Variants in SLC9A9 observed in about 807,000 individuals in gnomAD.
The protein encoded by SLC9A9 is sodium/hydrogen exchanger 9.
Under a neutral mutation model 77.8 loss-of-function variants are expected in SLC9A9, and 62 were observed. The observed-to-expected ratio is 0.80, with a 90% CI of 0.65 to 0.98. SLC9A9 has a LOEUF of 0.98. Ranked by LOEUF, SLC9A9 falls within the 50% of genes least tolerant of loss-of-function variation. The probability of loss-of-function intolerance (pLI) is 0.00; values close to 1 mark genes in which losing one functional copy is unlikely to be tolerated. For missense variants in SLC9A9, 775 were observed against 774.9 expected (o/e 1.00, Z 0.00); for synonymous variants, 320 against 283.5 (o/e 1.13, Z -1.29).
rs556875174 is a variant in SLC9A9, at chr3:143,444,157, G to A, written c.1469+22880C>T. ...ACTTCCTAAAAATGCTTTGGAATCA[G>A]CTTCAACTGCATTTATAAATGAAGA... On this transcript the variant is annotated intron_variant, in intron 12 of 15. Coordinates refer to ENST00000316549, the MANE Select transcript of SLC9A9 (RefSeq NM_173653.4). Among the ~76,000 whole-genome samples the A allele has an allele frequency of 6.6e-5, 10 of 152,296 alleles. No individual in the cohort carries two copies. In the South Asian group the frequency reaches 2.1e-3, roughly 32 times the overall value.
intron 4 of SLC9A9, among the ~76,000 whole-genome samples, chr3:143,713,251 A>G (rs1207493158): frequency 1.3e-5 from 2 of 152,214 alleles, no homozygotes; most frequent in Non-Finnish European, 2.9e-5. Context: ...GGGACATACT[A>G]AATTCAGTGT....
At chr3:143,435,083 C>T (rs886294241) in intron 12 of SLC9A9, among the ~76,000 whole-genome samples, 2 of 152,160 alleles carry the variant, frequency 1.3e-5, no homozygotes, top group African/African-American at 4.8e-5. Context: ...GCTGGCATCC[C>T]TTGACCTTAT....
intron 9 of SLC9A9, among the ~76,000 whole-genome samples, chr3:143,534,771 T>C (rs1490592423): frequency 6.6e-6 from 1 of 152,208 alleles, no homozygotes; most frequent in African/African-American, 2.4e-5. Context: ...GGATGCTGAA[T>C]AGCGGGATCA....
At chr3:143,461,211 T>C (rs1028937771) in intron 12 of SLC9A9, among the ~76,000 whole-genome samples, 17 of 152,202 alleles carry the variant, frequency 1.1e-4, no homozygotes, top group Non-Finnish European at 2.9e-5. Flanking sequence ...TTTTGAGCTA[T>C]TGGATAATAT....
intron 11 of SLC9A9, among the ~76,000 whole-genome samples, chr3:143,470,655 T>C (rs1321212682): frequency 5.3e-5 from 8 of 152,142 alleles, no homozygotes; most frequent in Non-Finnish European, 8.8e-5. Context: ...ATATTTGTAG[T>C]TTTTTAACTT....
intron 4 of SLC9A9, among the ~76,000 whole-genome samples, chr3:143,702,187 G>A (rs1933822785): frequency 6.6e-6 from 1 of 152,054 alleles, no homozygotes; most frequent in Non-Finnish European, 1.5e-5. Flanking sequence ...TAACCTTAGA[G>A]AAAAAGATGT....
chr3:143,524,938 A>G (rs1348864593), intron 9 of SLC9A9, among the ~76,000 whole-genome samples: 1 of 152,204 alleles, frequency 6.6e-6, no homozygotes, highest in Non-Finnish European at 1.5e-5. Context: ...CCCACATCAG[A>G]AGCTAGCCAA....
At chr3:143,658,834 G>A (rs2108754302) in intron 5 of SLC9A9, among the ~76,000 whole-genome samples, 1 of 152,316 alleles carries the variant, frequency 6.6e-6, no homozygotes, top group East Asian at 1.9e-4. Context: ...TGGAAAGGGA[G>A]AAACTGGAAA....
At chr3:143,527,766 C>T (rs2036429567) in intron 9 of SLC9A9, among the ~76,000 whole-genome samples, 1 of 152,158 alleles carries the variant, frequency 6.6e-6, no homozygotes, top group African/African-American at 2.4e-5. Flanking sequence ...TCCCTCAGTG[C>T]CTCAGCAGTG....
intron 5 of SLC9A9, among the ~76,000 whole-genome samples, chr3:143,674,240 A>G (rs1246614968): frequency 6.6e-6 from 1 of 152,180 alleles, no homozygotes; most frequent in Non-Finnish European, 1.5e-5. Context: ...AAAGCATTAA[A>G]CTGTGATGCT....
chr3:143,435,831 T>C (rs914550555), intron 12 of SLC9A9, among the ~76,000 whole-genome samples: 2 of 151,956 alleles, frequency 1.3e-5, no homozygotes, highest in Non-Finnish European at 2.9e-5. Flanking sequence ...TACACAAGTG[T>C]CCTCCTCTCC....
chr3:143,647,770 T>G (rs1425338092), intron 6 of SLC9A9, among the ~76,000 whole-genome samples: 1 of 152,222 alleles, frequency 6.6e-6, no homozygotes, highest in Non-Finnish European at 1.5e-5. Context: ...CTGCTTAACT[T>G]CCACAAGTAA....
At chr3:143,776,262 G>A (rs1161176200) in intron 4 of SLC9A9, among the ~76,000 whole-genome samples, 1 of 152,088 alleles carries the variant, frequency 6.6e-6, no homozygotes, top group Admixed American at 6.5e-5. Context: ...CTCTGAGAAA[G>A]GAATAGATAG....
chr3:143,508,584 A>T (rs2036066873), intron 9 of SLC9A9, among the ~76,000 whole-genome samples: 2 of 152,246 alleles, frequency 1.3e-5, no homozygotes, highest in Non-Finnish European at 2.9e-5. Context: ...GTATATTGAG[A>T]TTCCTTTAAA....
In SLC9A9 at chr3:143,341,541, G is replaced by C. The variant is rs551113625; in HGVS notation, c.1604+21943C>G. ...CTTTTCAGAATGGGACAAGTTGCTT[G>C]CCACGGTAGGAAAAGCTGTGCCAAA... On this transcript the variant is annotated intron_variant, in intron 14 of 15. Transcript: ENST00000316549. 3.3e-5 allele frequency among the ~76,000 whole-genome samples: 5 copies of C among 152,234 alleles called. No individual in the cohort carries two copies. The East Asian group carries it at 9.6e-4, about 29-fold the overall frequency.
chr3:143,558,479 T>C (rs1263217762), intron 8 of SLC9A9, among the ~76,000 whole-genome samples: 1 of 151,920 alleles, frequency 6.6e-6, no homozygotes, highest in Non-Finnish European at 1.5e-5. Flanking sequence ...AGCCACAGAG[T>C]CAGAGCTGTC....
At chr3:143,518,163 G>C in intron 9 of SLC9A9, 2 of 1,599,994 alleles carry the variant, frequency 1.3e-6, no homozygotes, top group South Asian at 2.2e-5. Flanking sequence ...TCGGTGTGCA[G>C]AACGCTCGGA....
At chr3:143,604,139 T>C (rs957841006) in intron 6 of SLC9A9, among the ~76,000 whole-genome samples, 1 of 152,206 alleles carries the variant, frequency 6.6e-6, no homozygotes, top group African/African-American at 2.4e-5. Context: ...TAAATTAAGG[T>C]CTATTTTGTG....
intron 6 of SLC9A9, among the ~76,000 whole-genome samples, chr3:143,597,036 T>C (rs1464421965): frequency 6.6e-6 from 1 of 152,126 alleles, no homozygotes; most frequent in African/African-American, 2.4e-5. Context: ...ACTTACCTTC[T>C]TCATGTTCAG....
Sources: allele counts gnomAD v4.1 joint callset (sites outside exome capture counted in the v4.1 genomes callset), GRCh38; gene constraint gnomAD v4.1.1; transcripts MANE v1.5; gene names NCBI Gene and HGNC (gene_info 2026-07-23, HGNC 2026-07-21).